Variants in XKR6 observed in about 807,000 individuals in gnomAD.
XKR6 encodes XK related 6.
A neutral mutation model predicts 56.7 loss-of-function variants in XKR6; 22 were observed. The observed-to-expected ratio is 0.39, with a 90% CI of 0.28 to 0.55. The LOEUF (loss-of-function observed/expected upper bound fraction) is 0.55, where lower values mean the gene tolerates loss of function less well. XKR6 is among the 20% of genes least tolerant of loss of function. The pLI, the probability that XKR6 is intolerant of heterozygous loss-of-function variation, is 0.66. For synonymous variants in XKR6, 524 were observed against 387.8 expected, an observed-to-expected ratio of 1.35 and a Z score of -4.13; for missense variants, 852 against 889.0, an observed-to-expected ratio of 0.96 and a Z score of 0.53.
At chr8:11,121,849 G>A (rs1439254586) in intron 1 of XKR6, among the ~76,000 whole-genome samples, 2 of 152,184 alleles carry the variant, frequency 1.3e-5, no homozygotes, top group Non-Finnish European at 2.9e-5. Flanking sequence ...GGAATACTAT[G>A]CAGCCATAAA....
chr8:10,998,342 T>A (rs1563336542), intron 1 of XKR6, among the ~76,000 whole-genome samples: 1 of 152,168 alleles, frequency 6.6e-6, no homozygotes, highest in Non-Finnish European at 1.5e-5. Flanking sequence ...TAACACCAGC[T>A]GTCACATCTG....
At chr8:10,981,416 G>C (rs908903378) in intron 1 of XKR6, among the ~76,000 whole-genome samples, 1 of 152,204 alleles carries the variant, frequency 6.6e-6, no homozygotes, top group Admixed American at 6.5e-5. Context: ...AGTCAACAAG[G>C]CTTGGTGATG....
At position 11,040,969 on chromosome 8, in the gene XKR6, G is replaced by A. The variant is rs147470379; in HGVS notation, c.765-116139C>T. Among the ~76,000 whole-genome samples the A allele has an allele frequency of 2.0e-5, 3 of 152,248 alleles. No individual in the cohort carries two copies. The East Asian group carries it at 5.8e-4, about 29-fold the overall frequency. ...CTACGTACATCGGGCAGATACTGAA[G>A]CAAATGCTTTGACCATCTCCTCCGT... On this transcript the variant is annotated intron_variant, in intron 1 of 2. Transcript: ENST00000416569.
intron 1 of XKR6, among the ~76,000 whole-genome samples, chr8:10,925,513 G>C (rs979428250): frequency 1.3e-5 from 2 of 152,164 alleles, no homozygotes; most frequent in Admixed American, 6.5e-5. Flanking sequence ...GTCCCAGCAG[G>C]GCCCAGGACA....
intron 1 of XKR6, among the ~76,000 whole-genome samples, chr8:11,140,874 G>A (rs1163359807): frequency 2.0e-5 from 3 of 147,750 alleles, no homozygotes; most frequent in Non-Finnish European, 3.0e-5. Context: ...CTCCAGCCTG[G>A]GCGACAGAGC....
intron 1 of XKR6, chr8:11,104,634 A>C (rs1456801482): frequency 6.6e-6 from 1 of 152,266 alleles, no homozygotes; most frequent in Non-Finnish European, 1.5e-5. Flanking sequence ...AGTCAGTCTT[A>C]AACTTGATAT....
At chr8:11,092,833 A>T (rs1048476850) in intron 1 of XKR6, among the ~76,000 whole-genome samples, 6 of 152,202 alleles carry the variant, frequency 3.9e-5, no homozygotes, top group African/African-American at 1.4e-4. Context: ...CTGGAGCAGA[A>T]AGGGGCCTGA....
intron 1 of XKR6, among the ~76,000 whole-genome samples, chr8:11,188,487 C>A (rs574079443): frequency 6.6e-6 from 1 of 152,294 alleles, no homozygotes; most frequent in East Asian, 1.9e-4. Context: ...TTTCTCTTCC[C>A]TTCCAACCCA....
At chr8:11,195,864 G>T (rs190618531) in intron 1 of XKR6, among the ~76,000 whole-genome samples, 1 of 150,980 alleles carries the variant, frequency 6.6e-6, no homozygotes, top group Admixed American at 6.6e-5. Flanking sequence ...ATGTTAGCCA[G>T]GATGGTCGCG....
chr8:11,147,936 G>A (rs1466407529), intron 1 of XKR6, among the ~76,000 whole-genome samples: 2 of 152,114 alleles, frequency 1.3e-5, no homozygotes, highest in Non-Finnish European at 2.9e-5. Context: ...AGGGCCGGGT[G>A]CAGTGGCTTA....
intron 1 of XKR6, among the ~76,000 whole-genome samples, chr8:10,977,302 T>G (rs1802595600): frequency 6.6e-6 from 1 of 151,710 alleles, no homozygotes; most frequent in Non-Finnish European, 1.5e-5. Flanking sequence ...GCCTCAAGGG[T>G]CCATTGGTCT....
chr8:11,135,188 C>T (rs1342698301), intron 1 of XKR6, among the ~76,000 whole-genome samples: 1 of 151,408 alleles, frequency 6.6e-6, no homozygotes, highest in African/African-American at 2.4e-5. Flanking sequence ...CACCAACAAG[C>T]CTGGCTAATT....
chr8:11,178,604 A>AAT (rs1293997839), intron 1 of XKR6, among the ~76,000 whole-genome samples: 154 of 120,880 alleles, frequency 1.3e-3, no homozygotes, highest in Middle Eastern at 9.9e-3. Context: ...CACACACACA[A>AAT]ATATATATAT....
chr8:10,916,260 A>G (rs1170991234), intron 2 of XKR6, among the ~76,000 whole-genome samples: 2 of 152,242 alleles, frequency 1.3e-5, no homozygotes, highest in East Asian at 3.8e-4. Context: ...AGGAAATGGA[A>G]TGGAAAATTC....
At chr8:11,127,340 CATA>C (rs1359291629) in intron 1 of XKR6, among the ~76,000 whole-genome samples, 2 of 152,208 alleles carry the variant, frequency 1.3e-5, no homozygotes, top group Admixed American at 6.5e-5. Context: ...AACTTCACCA[CATA>C]ATAAGTTACC....
intron 1 of XKR6, among the ~76,000 whole-genome samples, chr8:11,069,836 T>A (rs1372888472): frequency 6.6e-6 from 1 of 152,198 alleles, no homozygotes; most frequent in Non-Finnish European, 1.5e-5. Context: ...ACTGACAGGC[T>A]AAGCTTTGTG....
intron 1 of XKR6, among the ~76,000 whole-genome samples, chr8:10,964,243 G>C (rs565596268): frequency 4.6e-5 from 7 of 152,146 alleles, no homozygotes; most frequent in Non-Finnish European, 1.0e-4. Context: ...GAAATGAATG[G>C]TTGGTTCTAA....
At chr8:11,000,637 A>G (rs1798216900) in intron 1 of XKR6, among the ~76,000 whole-genome samples, 1 of 152,192 alleles carries the variant, frequency 6.6e-6, no homozygotes, top group Non-Finnish European at 1.5e-5. Flanking sequence ...GTGAGCCAAG[A>G]TCGCACCACT....
chr8:11,183,034 A>G (rs1052722046), intron 1 of XKR6, among the ~76,000 whole-genome samples: 3 of 152,136 alleles, frequency 2.0e-5, no homozygotes, highest in African/African-American at 7.2e-5. Context: ...ATGTTGCAGC[A>G]TGTGTTAGAA....
Sources: gnomAD v4.1 joint callset for allele counts (sites outside exome capture counted in the v4.1 genomes callset) on GRCh38, gnomAD v4.1.1 for gene constraint, MANE v1.5 for transcripts, NCBI Gene and HGNC (gene_info 2026-07-23, HGNC 2026-07-21) for gene names.